The following RADIL variants were observed in gnomAD, a reference collection of about 807,000 sequenced individuals.
RADIL encodes ras-associating and dilute domain-containing protein.
A neutral mutation model predicts 97.6 loss-of-function variants in RADIL; 99 were observed. The observed-to-expected ratio is 1.01, with a 90% CI of 0.86 to 1.20. The LOEUF (loss-of-function observed/expected upper bound fraction) is 1.20, where lower values mean the gene tolerates loss of function less well. Ranked by LOEUF, RADIL falls within the 50% of genes most tolerant of loss-of-function variation. The pLI is 0.00. For missense variants in RADIL, 1,765 were observed against 1,498.9 expected, an observed-to-expected ratio of 1.18 and a Z score of -2.93; for synonymous variants, 803 against 691.8, an observed-to-expected ratio of 1.16 and a Z score of -2.52.
chr7:4,809,510 C>A lies in RADIL; in HGVS notation c.2140-3794G>T, dbSNP rs546001065. 27 of 985,282 alleles carry A rather than the reference C, an allele frequency of 2.7e-5. No homozygotes were observed. The African/African-American group carries it at 4.7e-4, about 17-fold the overall frequency. 61.0% of individuals were successfully genotyped at this position (985,282 alleles called of 1,614,324 possible). Reference sequence around the variant, plus strand: ...GTGTGTCCAGCCCCCAAAACAAGAACAAGAACGTGGGCGGCGGCTGCTCGG... The same window carrying A: ...GTGTGTCCAGCCCCCAAAACAAGAAAAAGAACGTGGGCGGCGGCTGCTCGG... On this transcript the variant is annotated intron_variant, in intron 9 of 14. Coordinates refer to ENST00000399583, the MANE Select transcript of RADIL (RefSeq NM_018059.5).
chr7:4,831,957 A>C (rs2115220934), intron 5 of RADIL, among the ~76,000 whole-genome samples, 184 bp downstream of exon 5: 1 of 152,306 alleles, frequency 6.6e-6, no homozygotes, highest in Non-Finnish European at 1.5e-5. Flanking sequence ...GCAATTTCCC[A>C]AAACTCAGAG....
chr7:4,837,809 G>C lies in RADIL; in HGVS notation c.536-1204C>G. The C allele has an allele frequency of 1.0e-6, 1 of 983,752 alleles. No homozygotes were observed. Among genetic ancestry groups the C allele is most frequent in the Non-Finnish European group, 1.2e-6 (1 of 828,474 alleles). The allele number at this position is 983,752 out of a possible 1,614,324, so 60.9% of individuals were successfully genotyped here. Reference sequence around the variant, plus strand: ...TGCTCTGGGAAAGCCAGCCGGCTGCGATAGATGAAAACCGCTCACCAGTCC... The same window carrying C: ...TGCTCTGGGAAAGCCAGCCGGCTGCCATAGATGAAAACCGCTCACCAGTCC... On this transcript the variant is annotated intron_variant, in intron 2 of 14. Transcript: ENST00000399583. This position sits in a 1 kb window ranked among gnomAD's most constrained non-coding sequence, Gnocchi z 5.6.
chr7:4,822,483 C>A lies in RADIL; in HGVS notation c.1526G>T (p.Trp509Leu), dbSNP rs1782860984. 1 of 1,613,058 alleles carries A rather than the reference C, an allele frequency of 6.2e-7. No individual in the cohort carries two copies. ...LVPDLQPILF[W>L]MSNSIELLYF... ...CAGGAGCTCGATGGAGTTAGACATCCAGAAAAGAATGGGCTGCAAGTCTGG... is the reference window on the plus strand; with the variant it reads ...CAGGAGCTCGATGGAGTTAGACATCAAGAAAAGAATGGGCTGCAAGTCTGG... Residue 509 changes from tryptophan (W) to leucine (L), a missense_variant, in exon 6 of 15, where the codon TGG becomes TTG. Physicochemically the swap from Trp to Leu is moderately conservative, Grantham distance 61. Transcript: ENST00000399583. The surrounding 1 kb of genome is among the most constrained non-coding windows in gnomAD (Gnocchi z 5.3).
rs567742354 is a variant in RADIL, at chr7:4,878,804, C to T, written c.-64-601G>A. 2.0e-5 allele frequency among the ~76,000 whole-genome samples: 3 copies of T among 152,342 alleles called. No individual in the cohort carries two copies. Among genetic ancestry groups the T allele is most frequent in the Admixed American group, 6.5e-5 (1 of 15,296 alleles). On this transcript the variant is annotated intron_variant, in intron 1 of 14. Coordinates refer to ENST00000399583, the MANE Select transcript of RADIL (RefSeq NM_018059.5). The surrounding 1 kb of genome is among the most constrained non-coding windows in gnomAD (Gnocchi z 4.1). ...AGTGAGCATCAAGGAGCGCCCCACC[C>T]GGAGCCGGCCCCAGCACCATCACAG...
At chr7:4,807,394 C>T (rs748393237) in intron 9 of RADIL, among the ~76,000 whole-genome samples, 1 of 152,030 alleles carries the variant, frequency 6.6e-6, no homozygotes, top group Non-Finnish European at 1.5e-5. Flanking sequence ...TCTACTCTCA[C>T]TTCTGTGCTT....
intron 5 of RADIL, among the ~76,000 whole-genome samples, chr7:4,825,323 C>T (rs955958326): frequency 6.6e-6 from 1 of 152,182 alleles, no homozygotes; most frequent in African/African-American, 2.4e-5. Flanking sequence ...TGGAGTCCCA[C>T]TCCTGGGAAC....
rs371686605 is a variant in RADIL at position 4,831,865 on chromosome 7, C to T, written c.1454+276G>A. ...ATTGCACCACTGCACTCCAGCCTGG[C>T]GATAGAGCAAACAAAACAAAACAAA... On this transcript the variant is annotated intron_variant, in intron 5 of 14. Coordinates refer to ENST00000399583, the MANE Select transcript of RADIL (RefSeq NM_018059.5). Among the ~76,000 whole-genome samples, 19 of 150,604 alleles carry T rather than the reference C, an allele frequency of 1.3e-4. 1 individual carries two copies. The highest frequency in any genetic ancestry group is 4.1e-4 in the African/African-American group (17 of 41,196).
chr7:4,814,293 A>T lies in RADIL; in HGVS notation c.2139+985T>A, dbSNP rs1413079735. 6.6e-6 allele frequency among the ~76,000 whole-genome samples: 1 copy of T among 152,132 alleles called. No individual in the cohort carries two copies. Among genetic ancestry groups the T allele is most frequent in the African/African-American group, 2.4e-5 (1 of 41,414 alleles). On this transcript the variant is annotated intron_variant, in intron 9 of 14. Transcript: ENST00000399583. This position sits in a 1 kb window ranked among gnomAD's most constrained non-coding sequence, Gnocchi z 4.5. ...AGGATCCAGACAGCCTCATTTTACG[A>T]ATTTTCTACAGTCAATAAAAATGCT...
chr7:4,809,638 A>G (rs1263995684), intron 9 of RADIL: 3 of 981,764 alleles, frequency 3.1e-6, no homozygotes, highest in Non-Finnish European at 3.6e-6. Context: ...CTGCCCTTTC[A>G]GGAGTATTTT....
intron 9 of RADIL, chr7:4,809,047 C>G (rs956659253): frequency 6.6e-6 from 6 of 912,258 alleles, no homozygotes; most frequent in Admixed American, 1.6e-4. Flanking sequence ...ACGCCACTGC[C>G]CCCCCGTTCC....
rs74450826 is a variant in RADIL, at chr7:4,815,143, G to A, written c.2139+135C>T. The A allele has an allele frequency of 0.026, 29,931 of 1,138,154 alleles. 604 individuals are homozygous for A. Among genetic ancestry groups the A allele is most frequent in the African/African-American group, 0.091 (5,770 of 63,554 alleles). The allele number at this position is 1,138,154 out of a possible 1,614,324, so 70.5% of individuals were successfully genotyped here. On this transcript the variant is annotated intron_variant, in intron 9 of 14. Transcript: ENST00000399583. The surrounding 1 kb of genome is among the most constrained non-coding windows in gnomAD (Gnocchi z 8.0). ...GCCATGGAATGGAAGCAACTTTTCT[G>A]ATTACCTACGGTAGCTTTGAGGTTT...
chr7:4,838,128 T>TCACCAC, intron 2 of RADIL: 1 of 909,838 alleles, frequency 1.1e-6, no homozygotes, highest in Non-Finnish European at 1.3e-6. Flanking sequence ...GCTGGGCTGC[T>TCACCAC]CACCACCCGT....
intron 10 of RADIL, 76 bp downstream of exon 10, chr7:4,805,490 G>C (rs948482558): frequency 8.6e-5 from 127 of 1,472,882 alleles, no homozygotes; most frequent in East Asian, 2.1e-4. Context: ...GTTGGGATGA[G>C]AGCATGCTGC....
At chr7:4,856,746 A>G (rs893779942) in intron 2 of RADIL, among the ~76,000 whole-genome samples, 3 of 152,228 alleles carry the variant, frequency 2.0e-5, no homozygotes, top group African/African-American at 7.2e-5. Flanking sequence ...TACATGCCCA[A>G]TGCTTATTTG....
At chr7:4,850,733 G>A (rs1252159562) in intron 2 of RADIL, among the ~76,000 whole-genome samples, 1 of 152,196 alleles carries the variant, frequency 6.6e-6, no homozygotes, top group South Asian at 2.1e-4. Flanking sequence ...AACCTTGTGA[G>A]TCTGAAAGAG....
chr7:4,839,086 C>T (rs187977422), intron 2 of RADIL, among the ~76,000 whole-genome samples: 78 of 152,346 alleles, frequency 5.1e-4, no homozygotes, highest in Non-Finnish European at 8.7e-4. Context: ...CAGCTGTGTA[C>T]GTGACCACAG....
intron 2 of RADIL, among the ~76,000 whole-genome samples, chr7:4,862,872 G>A (rs1208864686): frequency 2.0e-5 from 3 of 151,224 alleles, no homozygotes; most frequent in Non-Finnish European, 2.9e-5. Context: ...ACTCCAGCCT[G>A]GGCAACAAGA....
intron 1 of RADIL, among the ~76,000 whole-genome samples, chr7:4,881,596 G>A (rs1193031751): frequency 1.3e-5 from 2 of 151,280 alleles, no homozygotes; most frequent in East Asian, 1.9e-4. Context: ...GCATGGTGGC[G>A]GGTGCCTGTA....
In RADIL at chr7:4,834,805, G is replaced by A. The variant is rs777424112; in HGVS notation, c.1218C>T (p.Leu406=). 20 of 1,335,582 alleles carry A rather than the reference G, an allele frequency of 1.5e-5. No individual in the cohort carries two copies. The highest frequency in any genetic ancestry group is 3.6e-5 in the Admixed American group (1 of 27,748). The allele number at this position is 1,335,582 out of a possible 1,614,324, so 82.7% of individuals were successfully genotyped here. ...QAALPRRQQL[L]LEFEPHLEDT... ...CCTCCAGGTGGGGCTCAAACTCCAGGAGCAGCTGCTGGCGCCGGGGCAGGG... is the reference window on the plus strand; with the variant it reads ...CCTCCAGGTGGGGCTCAAACTCCAGAAGCAGCTGCTGGCGCCGGGGCAGGG... Residue 406 remains leucine (L), a synonymous_variant, in exon 4 of 15, where the codon CTC becomes CTT. Transcript: ENST00000399583. The surrounding 1 kb of genome is among the most constrained non-coding windows in gnomAD (Gnocchi z 6.0).
Sources: gnomAD v4.1 joint callset for allele counts (sites outside exome capture counted in the v4.1 genomes callset) on GRCh38, gnomAD v4.1.1 for gene constraint, Gnocchi (gnomAD v3.1) non-coding constraint, MANE v1.5 for transcripts, NCBI Gene and HGNC (gene_info 2026-07-23, HGNC 2026-07-21) for gene names.